TG: variants seen among roughly 807,000 people sequenced by gnomAD.
TG encodes the protein thyroid hormones.
In TG, 270 loss-of-function variants were observed where a neutral mutation model predicts 324.7. That is an observed-to-expected ratio of 0.83 (90% CI 0.75 to 0.92). TG has a LOEUF of 0.92. Ranked by LOEUF, TG falls within the 40% of genes least tolerant of loss-of-function variation. TG has a pLI of 0.00. For synonymous variants in TG, 1,401 were observed against 1,327.0 expected, an observed-to-expected ratio of 1.06 and a Z score of -1.21; for missense variants, 3,591 against 3,456.4, an observed-to-expected ratio of 1.04 and a Z score of -0.98.
chr8:133,112,929 G>T (rs137986906), intron 43 of TG, among the ~76,000 whole-genome samples: 2 of 152,162 alleles, frequency 1.3e-5, no homozygotes, highest in Non-Finnish European at 2.9e-5. Context: ...CTGGTGAAGC[G>T]TAACTATCTG....
chr8:133,132,075 C>T, intron 46 of TG, 129 bp downstream of exon 46: 1 of 1,385,658 alleles, frequency 7.2e-7, no homozygotes, highest in Non-Finnish European at 1.0e-6. Context: ...TAATCACCAG[C>T]CACTGGCCTC....
At chr8:132,875,695 T>G (rs189282690) in intron 5 of TG, among the ~76,000 whole-genome samples, 2 of 152,386 alleles carry the variant, frequency 1.3e-5, no homozygotes, top group Admixed American at 1.3e-4. Context: ...AGAATAAGCA[T>G]TCTTTGTTTA....
intron 25 of TG, 103 bp from the exon 26 acceptor site, chr8:132,941,248 C>T: frequency 7.3e-7 from 1 of 1,377,644 alleles, no homozygotes; most frequent in Non-Finnish European, 1.0e-6. Context: ...GCCTGGAGCA[C>T]TGTTGCAGCT....
At position 132,908,209 on chromosome 8, in the gene TG, C is replaced by T. The variant is rs1377787342; in HGVS notation, c.3871C>T (p.Gln1291Ter). ...AGGGCCCCAGCTGTGGCAGACCATC[C>T]AGACCCAAGGGCACTTTCAGCTCCA... ...CQRPQLWQTIQTQGHFQLQLP... is the reference protein window; with the variant it reads ...CQRPQLWQTI The change falls in exon 18 of 48, where the codon CAG becomes TAG. Residue 1291 changes from glutamine to a stop codon, truncating the protein, a stop_gained. Transcript: ENST00000220616. LOFTEE classifies it high-confidence loss of function. The T allele has an allele frequency of 1.2e-6, 2 of 1,614,048 alleles. No homozygotes were observed. Among genetic ancestry groups the T allele is most frequent in the African/African-American group, 1.3e-5 (1 of 75,054 alleles).
intron 21 of TG, among the ~76,000 whole-genome samples, chr8:132,920,928 A>G (rs1004202916): frequency 3.9e-5 from 6 of 152,260 alleles, no homozygotes; most frequent in African/African-American, 1.4e-4. Context: ...CCTAAGCAAC[A>G]CATTTGTTTC....
rs192285571 is a variant in TG at position 132,891,052 on chromosome 8, T to C, written c.2761+2484T>C. Among the ~76,000 whole-genome samples, 193 of 152,226 alleles carry C rather than the reference T, an allele frequency of 1.3e-3. 1 individual carries two copies. The highest frequency in any genetic ancestry group is 2.0e-3 in the Non-Finnish European group (138 of 68,016). Reference sequence around the variant, plus strand: ...TTATCAGGAAAGTAATAAATGGCAATGGTGGAACAGAGGTATGTACGTGGA... The same window carrying C: ...TTATCAGGAAAGTAATAAATGGCAACGGTGGAACAGAGGTATGTACGTGGA... On this transcript the variant is annotated intron_variant, in intron 10 of 47. Coordinates refer to ENST00000220616, the MANE Select transcript of TG (RefSeq NM_003235.5).
At chr8:132,913,017 G>A (rs1312043221) in intron 19 of TG, 30 bp from the exon 20 acceptor site, 2 of 1,608,242 alleles carry the variant, frequency 1.2e-6, no homozygotes, top group East Asian at 2.2e-5. Flanking sequence ...TACAGTGGGG[G>A]TGACCTCTAC....
chr8:132,938,747 C>G (rs1823977244), intron 25 of TG, among the ~76,000 whole-genome samples: 1 of 152,066 alleles, frequency 6.6e-6, no homozygotes, highest in Admixed American at 6.6e-5. Flanking sequence ...GAACTCTGAT[C>G]TGAAGGATGA....
chr8:133,044,610 T>C (rs1838956207), intron 41 of TG, among the ~76,000 whole-genome samples: 1 of 152,020 alleles, frequency 6.6e-6, no homozygotes, highest in Admixed American at 6.5e-5. Flanking sequence ...TGAAGGCCAA[T>C]GAGGATTCTG....
At chr8:132,944,581 C>T (rs1563986250) in intron 26 of TG, among the ~76,000 whole-genome samples, 2 of 152,186 alleles carry the variant, frequency 1.3e-5, no homozygotes, top group Non-Finnish European at 1.5e-5. Flanking sequence ...GGGGAAGTGA[C>T]CTGCCAGATG....
chr8:133,071,723 T>C (rs1321434864), intron 41 of TG, among the ~76,000 whole-genome samples: 1 of 152,142 alleles, frequency 6.6e-6, no homozygotes, highest in Non-Finnish European at 1.5e-5. Context: ...GAGAATTAAA[T>C]GAAACCGACT....
chr8:133,086,311 C>T (rs1249039039), intron 41 of TG, among the ~76,000 whole-genome samples: 2 of 152,124 alleles, frequency 1.3e-5, no homozygotes, highest in Non-Finnish European at 2.9e-5. Context: ...GTGACTATAA[C>T]TAAAAACCAT....
chr8:132,910,360 C>T (rs566854808), intron 18 of TG, among the ~76,000 whole-genome samples: 57 of 152,328 alleles, frequency 3.7e-4, no homozygotes, highest in African/African-American at 1.3e-3. Context: ...AGTTCACTTT[C>T]CTTCTAAAAC....
chr8:132,886,986 TAAG>T lies in TG; in HGVS notation c.1618_1620del (p.Lys540del). 6.2e-7 allele frequency: 1 copy of T among 1,614,216 alleles called. No individual in the cohort carries two copies. On this transcript the variant is annotated inframe_deletion, in exon 9 of 48. Coordinates refer to ENST00000220616, the MANE Select transcript of TG (RefSeq NM_003235.5). ...CTTCCACAGGAACCCCTGAAGCTGC[TAAG>T]AAGGATGGTACTATGAATAAGCCAA...
chr8:133,122,044 G>C (rs563751029), intron 45 of TG, among the ~76,000 whole-genome samples: 2 of 151,958 alleles, frequency 1.3e-5, no homozygotes, highest in Non-Finnish European at 2.9e-5. Context: ...AAATATATGT[G>C]TGTTACATTT....
intron 41 of TG, among the ~76,000 whole-genome samples, chr8:133,088,352 G>A (rs923857581): frequency 7.9e-5 from 12 of 152,128 alleles, no homozygotes; most frequent in African/African-American, 2.9e-4. Flanking sequence ...TGAGTGGAAT[G>A]GAAAATAAGG....
intron 41 of TG, among the ~76,000 whole-genome samples, chr8:133,078,337 C>T (rs1845215283): frequency 6.6e-6 from 1 of 152,180 alleles, no homozygotes; most frequent in Admixed American, 6.5e-5. Context: ...TGCCTAAGGA[C>T]AGGAGAGGAA....
At chr8:133,061,655 C>A (rs1035918802) in intron 41 of TG, among the ~76,000 whole-genome samples, 3 of 152,196 alleles carry the variant, frequency 2.0e-5, no homozygotes, top group African/African-American at 7.2e-5. Flanking sequence ...AGGGTCCCCC[C>A]ATCGGCCTCC....
At chr8:133,097,390 T>A in intron 43 of TG, among the ~76,000 whole-genome samples, 1 of 152,234 alleles carries the variant, frequency 6.6e-6, no homozygotes, top group African/African-American at 2.4e-5. Context: ...CATTGATTAT[T>A]GTGGCAAAAA....
Sources: allele counts gnomAD v4.1 joint callset (sites outside exome capture counted in the v4.1 genomes callset), GRCh38; gene constraint gnomAD v4.1.1; transcripts MANE v1.5; gene names NCBI Gene and HGNC (gene_info 2026-07-23, HGNC 2026-07-21).